SORCS3: variants seen among roughly 807,000 people sequenced by gnomAD.
SORCS3 encodes sortilin related VPS10 domain containing receptor 3, also known as VPS10 domain-containing receptor SorCS3.
SORCS3 carries 57 observed loss-of-function variants against 146.3 expected under a neutral mutation model. The observed-to-expected ratio is 0.39, with a 90% CI of 0.31 to 0.49. The LOEUF is 0.49. Among genes scored for constraint, SORCS3 ranks in the 20% least tolerant of loss-of-function variants. The pLI, the probability that SORCS3 is intolerant of heterozygous loss-of-function variation, is 0.92. For missense variants in SORCS3, 1,341 were observed against 1,575.5 expected, an observed-to-expected ratio of 0.85 and a Z score of 2.52; for synonymous variants, 653 against 618.5, an observed-to-expected ratio of 1.06 and a Z score of -0.83.
At chr10:105,148,503 A>G (rs2488541) in intron 9 of SORCS3, among the ~76,000 whole-genome samples, 3 of 151,888 alleles carry the variant, frequency 2.0e-5, no homozygotes, top group Non-Finnish European at 2.9e-5. Flanking sequence ...GTGACCTTTG[A>G]CAGTCCTGGA....
At chr10:104,711,341 G>A (rs2016414089) in intron 1 of SORCS3, among the ~76,000 whole-genome samples, 1 of 152,156 alleles carries the variant, frequency 6.6e-6, no homozygotes, top group Non-Finnish European at 1.5e-5. Context: ...ATTTACTGCG[G>A]GCCATGCACT....
chr10:104,757,160 CAAATGT>C (rs2017063740), intron 1 of SORCS3, among the ~76,000 whole-genome samples: 1 of 146,564 alleles, frequency 6.8e-6, no homozygotes, highest in South Asian at 2.2e-4. Flanking sequence ...CCCCCTGACC[CAAATGT>C]TCTGTCCCCA....
chr10:104,929,757 C>G (rs1266811866), intron 3 of SORCS3, among the ~76,000 whole-genome samples: 1 of 152,250 alleles, frequency 6.6e-6, no homozygotes, highest in Non-Finnish European at 1.5e-5. Context: ...CAACAGCAAG[C>G]CCACCCATGG....
Position 105,202,434 on chromosome 10 carries a change from C to T in SORCS3, c.2261+1181C>T, listed in dbSNP as rs75730637. Among the ~76,000 whole-genome samples the T allele has an allele frequency of 9.0e-3, 1,370 of 152,094 alleles. 9 individuals carry two copies. Among genetic ancestry groups the T allele is most frequent in the East Asian group, 0.021 (106 of 5,168 alleles). On this transcript the variant is annotated intron_variant, in intron 16 of 26. Coordinates refer to ENST00000369701, the MANE Select transcript of SORCS3 (RefSeq NM_014978.3). ...AATTTCTTCCAAATCTTAGTATGGC[C>T]GGCACCTTTGAGTCACTCATGTCTC...
chr10:104,647,164 C>G (rs1325866034), intron 1 of SORCS3, among the ~76,000 whole-genome samples: 3 of 152,136 alleles, frequency 2.0e-5, no homozygotes, highest in African/African-American at 7.2e-5. Context: ...AAATTCAGAT[C>G]CAGAGTCCAT....
intron 1 of SORCS3, among the ~76,000 whole-genome samples, chr10:104,662,784 A>T (rs902246955): frequency 1.3e-5 from 2 of 152,210 alleles, no homozygotes; most frequent in African/African-American, 4.8e-5. Context: ...CGGAACTAGG[A>T]GAGTCAGGAA....
At chr10:104,924,611 G>C (rs1646077988) in intron 3 of SORCS3, among the ~76,000 whole-genome samples, 1 of 152,212 alleles carries the variant, frequency 6.6e-6, no homozygotes, top group Non-Finnish European at 1.5e-5. Context: ...CTTGATAAAG[G>C]AGCAAGAGGC....
At chr10:104,845,774 A>G (rs2018196753) in intron 2 of SORCS3, among the ~76,000 whole-genome samples, 1 of 152,158 alleles carries the variant, frequency 6.6e-6, no homozygotes, top group Non-Finnish European at 1.5e-5. Flanking sequence ...TATTCTTTAT[A>G]GAAAAGATTC....
chr10:104,849,162 G>C (rs546021414), intron 2 of SORCS3, among the ~76,000 whole-genome samples: 36 of 152,246 alleles, frequency 2.4e-4, no homozygotes, highest in African/African-American at 8.2e-4. Context: ...TGAAATCCCA[G>C]CACTTTGGGA....
At chr10:105,168,152 A>T (rs1177513535) in intron 13 of SORCS3, among the ~76,000 whole-genome samples, 2 of 151,820 alleles carry the variant, frequency 1.3e-5, no homozygotes, top group African/African-American at 4.8e-5. Flanking sequence ...AGAGGTGGGG[A>T]TGAAAGTTAG....
chr10:104,992,629 C>A (rs1431457139), intron 4 of SORCS3, among the ~76,000 whole-genome samples: 4 of 152,176 alleles, frequency 2.6e-5, no homozygotes, highest in Non-Finnish European at 5.9e-5. Flanking sequence ...TCTACCTCCT[C>A]TTTTTAAGCA....
At chr10:104,804,878 G>C (rs899463057) in intron 1 of SORCS3, among the ~76,000 whole-genome samples, 1 of 152,150 alleles carries the variant, frequency 6.6e-6, no homozygotes, top group South Asian at 2.1e-4. Context: ...GTGTGCCTTA[G>C]GAAAGGGTGG....
chr10:105,239,351 C>A (rs1413620139), intron 20 of SORCS3, among the ~76,000 whole-genome samples: 2 of 152,148 alleles, frequency 1.3e-5, no homozygotes, highest in Non-Finnish European at 2.9e-5. Flanking sequence ...CAGCTGTTAT[C>A]AAGGTATGCA....
chr10:105,261,925 G>C (rs2056963059), intron 25 of SORCS3, among the ~76,000 whole-genome samples: 1 of 152,142 alleles, frequency 6.6e-6, no homozygotes, highest in Non-Finnish European at 1.5e-5. Flanking sequence ...AAGCCAATGT[G>C]GATTGATTAA....
chr10:105,262,140 A>G (rs2056964505), intron 25 of SORCS3, among the ~76,000 whole-genome samples, 191 bp from the exon 26 acceptor site: 1 of 152,096 alleles, frequency 6.6e-6, no homozygotes, highest in Non-Finnish European at 1.5e-5. Context: ...TTCCCTGGGC[A>G]TCTGGGTTCC....
rs141559144 is a variant in SORCS3 at position 105,141,418 on chromosome 10, G to A, written c.1302+1932G>A. ...AGAGGTGGGGACAGAGAGGGTGGAGGGAGATTGGTTCTTTCCATTGTTTAA... is the reference window on the plus strand; with the variant it reads ...AGAGGTGGGGACAGAGAGGGTGGAGAGAGATTGGTTCTTTCCATTGTTTAA... On this transcript the variant is annotated intron_variant, in intron 8 of 26. Transcript: ENST00000369701. Among the ~76,000 whole-genome samples, 4 of 152,252 alleles carry A rather than the reference G, an allele frequency of 2.6e-5. No homozygotes were observed. The East Asian group carries it at 7.7e-4, about 29-fold the overall frequency.
At chr10:104,946,093 G>C (rs542551508) in intron 3 of SORCS3, among the ~76,000 whole-genome samples, 2 of 152,106 alleles carry the variant, frequency 1.3e-5, no homozygotes, top group Non-Finnish European at 2.9e-5. Flanking sequence ...GGGTACTGTT[G>C]AGTATCAAAT....
chr10:104,815,160 G>T (rs1180225327), intron 1 of SORCS3, among the ~76,000 whole-genome samples: 5 of 152,148 alleles, frequency 3.3e-5, no homozygotes, highest in Non-Finnish European at 5.9e-5. Context: ...CCACTGTAAA[G>T]AACAATGTGA....
chr10:104,821,267 T>C (rs113277375), intron 1 of SORCS3, among the ~76,000 whole-genome samples: 9 of 152,080 alleles, frequency 5.9e-5, no homozygotes, highest in South Asian at 2.1e-4. Flanking sequence ...GGTAAGCATG[T>C]GGAATGGGAG....
Sources: gnomAD v4.1 joint callset for allele counts (sites outside exome capture counted in the v4.1 genomes callset) on GRCh38, gnomAD v4.1.1 for gene constraint, MANE v1.5 for transcripts, NCBI Gene and HGNC (gene_info 2026-07-23, HGNC 2026-07-21) for gene names.